TMEM244: variants seen among roughly 807,000 people sequenced by gnomAD.
The protein encoded by TMEM244 is transmembrane protein 244, also known as putative transmembrane protein 244.
Under a neutral mutation model 15.8 loss-of-function variants are expected in TMEM244, and 13 were observed. That is an observed-to-expected ratio of 0.82 (90% CI 0.53 to 1.30). The LOEUF (loss-of-function observed/expected upper bound fraction) is 1.30, where lower values mean the gene tolerates loss of function less well. TMEM244 is among the 50% of genes most tolerant of loss of function. TMEM244 has a pLI of 0.00. For synonymous variants in TMEM244, 45 were observed against 48.7 expected (o/e 0.92, Z 0.32); for missense variants, 161 against 144.9 (o/e 1.11, Z -0.57).
Position 129,843,610 on chromosome 6 carries a change from A to C in TMEM244, c.120-7T>G, listed in dbSNP as rs772683518. 5 of 1,606,900 alleles carry C rather than the reference A, an allele frequency of 3.1e-6. No individual in the cohort carries two copies. In the Admixed American group the frequency reaches 8.4e-5, roughly 27 times the overall value. On this transcript the variant is annotated splice_polypyrimidine_tract_variant and splice_region_variant and intron_variant, in intron 2 of 4. Coordinates refer to ENST00000368143, the MANE Select transcript of TMEM244 (RefSeq NM_001010876.2). ...GACATTCAACTCATGCACCCTAAAGATGTTATAAGTGAAAACAGTTTACTC... is the reference window on the plus strand; with the variant it reads ...GACATTCAACTCATGCACCCTAAAGCTGTTATAAGTGAAAACAGTTTACTC...
intron 1 of TMEM244, among the ~76,000 whole-genome samples, chr6:129,853,732 AT>A (rs1776666556): frequency 6.6e-6 from 1 of 152,156 alleles, no homozygotes; most frequent in Admixed American, 6.5e-5. Context: ...AGTGCTACTG[AT>A]TTGCGCTTTT....
At chr6:129,846,517 C>T (rs1222176648) in intron 1 of TMEM244, among the ~76,000 whole-genome samples, 1 of 152,162 alleles carries the variant, frequency 6.6e-6, no homozygotes, top group Non-Finnish European at 1.5e-5. Context: ...AGGTTACCAT[C>T]TTACACATTT....
intron 2 of TMEM244, among the ~76,000 whole-genome samples, chr6:129,844,122 T>C (rs1242855360): frequency 2.0e-5 from 3 of 152,174 alleles, no homozygotes; most frequent in Non-Finnish European, 4.4e-5. Context: ...ACACCTATTA[T>C]ATGATACCAT....
intron 3 of TMEM244, among the ~76,000 whole-genome samples, chr6:129,837,937 C>G (rs575364681): frequency 7.5e-4 from 114 of 152,248 alleles, no homozygotes; most frequent in Non-Finnish European, 1.6e-3. Context: ...CCTTAGGGAC[C>G]TACAAAGAGA....
intron 1 of TMEM244, among the ~76,000 whole-genome samples, chr6:129,855,774 A>G (rs955583326): frequency 1.4e-4 from 21 of 152,120 alleles, no homozygotes; most frequent in African/African-American, 4.6e-4. Context: ...TTTCATTATT[A>G]CTGATGGTCA....
intron 1 of TMEM244, among the ~76,000 whole-genome samples, chr6:129,857,552 G>A (rs1776731614): frequency 6.6e-6 from 1 of 151,926 alleles, no homozygotes; most frequent in African/African-American, 2.4e-5. Context: ...TAGAGAGGGG[G>A]TTTTGTCATG....
intron 1 of TMEM244, among the ~76,000 whole-genome samples, chr6:129,853,255 C>T (rs1356932274): frequency 6.6e-6 from 1 of 152,134 alleles, no homozygotes; most frequent in Non-Finnish European, 1.5e-5. Context: ...AAATTCAATG[C>T]TGTTCCCCCT....
At chr6:129,832,091 T>C (rs1371148945) in intron 4 of TMEM244, among the ~76,000 whole-genome samples, 1 of 146,012 alleles carries the variant, frequency 6.8e-6, no homozygotes, top group Non-Finnish European at 1.5e-5. Flanking sequence ...AGACAGATTG[T>C]ACTTTTTTTT....
chr6:129,839,762 A>G (rs1355972821), intron 3 of TMEM244, among the ~76,000 whole-genome samples: 1 of 152,262 alleles, frequency 6.6e-6, no homozygotes, highest in Non-Finnish European at 1.5e-5. Flanking sequence ...TGGAAAAATC[A>G]CAAGCATTCC....
intron 3 of TMEM244, among the ~76,000 whole-genome samples, chr6:129,838,348 C>T (rs530329884): frequency 6.6e-6 from 1 of 152,232 alleles, no homozygotes; most frequent in East Asian, 1.9e-4. Flanking sequence ...GGGTACATAA[C>T]AAAATGAAGG....
intron 1 of TMEM244, among the ~76,000 whole-genome samples, 172 bp from the exon 2 acceptor site, chr6:129,846,024 T>G (rs1043674733): frequency 3.9e-5 from 6 of 152,222 alleles, no homozygotes; most frequent in Non-Finnish European, 7.3e-5. Flanking sequence ...GGAGCTTCTT[T>G]AGCGGTATAA....
At chr6:129,850,583 A>G (rs1776624706) in intron 1 of TMEM244, among the ~76,000 whole-genome samples, 1 of 152,220 alleles carries the variant, frequency 6.6e-6, no homozygotes, top group African/African-American at 2.4e-5. Flanking sequence ...GCAATTGATG[A>G]TCTAGCCCAG....
intron 1 of TMEM244, among the ~76,000 whole-genome samples, chr6:129,852,953 T>G (rs1029520110): frequency 6.6e-6 from 1 of 152,078 alleles, no homozygotes; most frequent in African/African-American, 2.4e-5. Flanking sequence ...GTATTCAAGC[T>G]CTCTCTGGGA....
At chr6:129,848,066 G>A (rs1032096744) in intron 1 of TMEM244, among the ~76,000 whole-genome samples, 2 of 151,950 alleles carry the variant, frequency 1.3e-5, no homozygotes, top group Non-Finnish European at 1.5e-5. Flanking sequence ...GAGCCACTCC[G>A]CACCTGGCCT....
At chr6:129,842,884 A>C (rs1248224352) in intron 3 of TMEM244, among the ~76,000 whole-genome samples, 1 of 151,458 alleles carries the variant, frequency 6.6e-6, no homozygotes, top group African/African-American at 2.4e-5. Flanking sequence ...GTTTACAAAC[A>C]TACTAGATAT....
chr6:129,855,964 T>C (rs1776699884), intron 1 of TMEM244, among the ~76,000 whole-genome samples: 2 of 152,196 alleles, frequency 1.3e-5, no homozygotes, highest in African/African-American at 4.8e-5. Context: ...ACATTGGTAT[T>C]GTAAACTGAT....
Position 129,861,143 on chromosome 6 carries a change from A to G in TMEM244, c.33+13T>C. On this transcript the variant is annotated intron_variant, in intron 1 of 4. Transcript: ENST00000368143. ...CAACTGAAAGGCAATGCAAAGAAGT[A>G]ATTTCTCTTTACCTTGCTTGGAGCA... 1 of 1,613,680 alleles carries G rather than the reference A, an allele frequency of 6.2e-7. No individual in the cohort carries two copies. The highest frequency in any genetic ancestry group is 8.5e-7 in the Non-Finnish European group (1 of 1,179,684).
chr6:129,847,070 G>T (rs929753157), intron 1 of TMEM244, among the ~76,000 whole-genome samples: 2 of 152,166 alleles, frequency 1.3e-5, no homozygotes, highest in Admixed American at 6.5e-5. Flanking sequence ...ACAGGAAAAG[G>T]ATTGATATCT....
intron 1 of TMEM244, among the ~76,000 whole-genome samples, chr6:129,854,244 C>T (rs1776673956): frequency 6.6e-6 from 1 of 152,108 alleles, no homozygotes; most frequent in Admixed American, 6.6e-5. Context: ...TGATTCATTA[C>T]AGTTTTAGAA....
Sources: allele counts gnomAD v4.1 joint callset (sites outside exome capture counted in the v4.1 genomes callset), GRCh38; gene constraint gnomAD v4.1.1; transcripts MANE v1.5; gene names NCBI Gene and HGNC (gene_info 2026-07-23, HGNC 2026-07-21).